The following CA12 variants were observed in gnomAD, a reference collection of about 807,000 sequenced individuals.
CA12 encodes the protein carbonate dehydratase XII.
Under a neutral mutation model 46.8 loss-of-function variants are expected in CA12, and 36 were observed. That is an observed-to-expected ratio of 0.77 (90% confidence interval 0.59 to 1.02). CA12 has a LOEUF of 1.02. CA12 is among the 50% of genes least tolerant of loss of function. CA12 has a pLI of 0.00. For missense variants in CA12, 436 were observed against 451.4 expected (o/e 0.97, Z 0.31); for synonymous variants, 202 against 187.0 (o/e 1.08, Z -0.65).
chr15:63,379,724 G>A (rs1210666568), intron 1 of CA12, among the ~76,000 whole-genome samples: 4 of 152,168 alleles, frequency 2.6e-5, no homozygotes, highest in Non-Finnish European at 5.9e-5. Flanking sequence ...CCTGGGCCCT[G>A]CCTGCTTCCT....
Position 63,365,575 on chromosome 15 carries a change from A to C in CA12, c.106+10083T>G, listed in dbSNP as rs118075114. On this transcript the variant is annotated intron_variant, in intron 2 of 10. Coordinates refer to ENST00000178638, the MANE Select transcript of CA12 (RefSeq NM_001218.5). ...TAACGGCTGTCTGGGCACCTATTTG[A>C]ATACTTTGTGAAGCCCAGCAGAGAC... Among the ~76,000 whole-genome samples, 404 of 152,326 alleles carry C rather than the reference A, an allele frequency of 2.7e-3. 4 individuals carry two copies. In the East Asian group the frequency reaches 0.054, roughly 20 times the overall value.
At position 63,329,068 on chromosome 15, in the gene CA12, C is replaced by T. The variant is rs2038904172; in HGVS notation, c.875-938G>A. ...GAAGAAAGGTAGGGATCAAAGCCTG[C>T]TTGGGCAGGCTCCTGTCCATGTCCC... On this transcript the variant is annotated intron_variant, in intron 8 of 10. Transcript: ENST00000178638. The surrounding 1 kb of genome is among the most constrained non-coding windows in gnomAD (Gnocchi z 4.8). Among the ~76,000 whole-genome samples the T allele has an allele frequency of 6.6e-6, 1 of 152,238 alleles. No individual in the cohort carries two copies. The highest frequency in any genetic ancestry group is 6.5e-5 in the Admixed American group (1 of 15,290).
At chr15:63,326,772 T>G (rs1158818248) in intron 10 of CA12, among the ~76,000 whole-genome samples, 1 of 152,216 alleles carries the variant, frequency 6.6e-6, no homozygotes, top group Non-Finnish European at 1.5e-5. Context: ...AGATCAGGTT[T>G]TCCTTCATCT....
At chr15:63,377,479 T>C (rs947498941) in intron 1 of CA12, among the ~76,000 whole-genome samples, 49 of 136,106 alleles carry the variant, frequency 3.6e-4, no homozygotes, top group Non-Finnish European at 6.2e-4. Context: ...GAACTTGGCT[T>C]TTTTTTTAAA....
At chr15:63,349,622 A>G (rs1396439604) in intron 2 of CA12, among the ~76,000 whole-genome samples, 1 of 152,164 alleles carries the variant, frequency 6.6e-6, no homozygotes. Flanking sequence ...GCACCATTTT[A>G]TGGGTGAAAA....
rs1324080181 is a variant in CA12, at chr15:63,328,239, C to T, written c.875-109G>A. 2 of 989,960 alleles carry T rather than the reference C, an allele frequency of 2.0e-6. No individual in the cohort carries two copies. Among genetic ancestry groups the T allele is most frequent in the Non-Finnish European group, 3.2e-6 (2 of 626,324 alleles). The allele number at this position is 989,960 out of a possible 1,614,324, so 61.3% of individuals were successfully genotyped here. A position where few individuals can be genotyped will look rare whatever the true frequency, so the allele number is the denominator to read the frequency against. On this transcript the variant is annotated intron_variant, in intron 8 of 10. Transcript: ENST00000178638. The surrounding 1 kb of genome is among the most constrained non-coding windows in gnomAD (Gnocchi z 5.9). The stretch of plus-strand genomic sequence containing the variant: ...ATTTGTTTGGTCTTAGGCTGACAGA[C>T]CTCTAGGGATGTCCACCCTTGGCTC...
intron 8 of CA12, 145 bp downstream of exon 8, chr15:63,338,674 C>T (rs2039034297): frequency 9.3e-7 from 1 of 1,079,744 alleles, no homozygotes; most frequent in Non-Finnish European, 1.4e-6. Flanking sequence ...CACCTAGTCT[C>T]ACAAGGCGCC....
chr15:63,369,720 C>T (rs2039478853), intron 2 of CA12, among the ~76,000 whole-genome samples: 1 of 152,182 alleles, frequency 6.6e-6, no homozygotes. Flanking sequence ...TCATTACTTT[C>T]CTAAGGCGCA....
At position 63,328,264 on chromosome 15, in the gene CA12, C is replaced by T; in HGVS notation, c.875-134G>A. 1 of 783,242 alleles carries T rather than the reference C, an allele frequency of 1.3e-6. No individual in the cohort carries two copies. Among genetic ancestry groups the T allele is most frequent in the Non-Finnish European group, 2.2e-6 (1 of 448,380 alleles). 48.5% of individuals were successfully genotyped at this position (783,242 alleles called of 1,614,324 possible). Reference sequence around the variant, plus strand: ...CCTCTAGGGATGTCCACCCTTGGCTCAGGGATTGCCTGATGAAGTACAGGA... The same window carrying T: ...CCTCTAGGGATGTCCACCCTTGGCTTAGGGATTGCCTGATGAAGTACAGGA... On this transcript the variant is annotated intron_variant, in intron 8 of 10. Transcript: ENST00000178638. The surrounding 1 kb of genome is among the most constrained non-coding windows in gnomAD (Gnocchi z 5.9).
intron 2 of CA12, among the ~76,000 whole-genome samples, chr15:63,359,772 C>T (rs1201382905): frequency 6.6e-6 from 1 of 152,166 alleles, no homozygotes; most frequent in African/African-American, 2.4e-5. Context: ...TTGTTTTAAA[C>T]TTGACCGCCA....
chr15:63,370,334 G>C (rs2039486567), intron 2 of CA12, among the ~76,000 whole-genome samples: 1 of 151,680 alleles, frequency 6.6e-6, no homozygotes, highest in Non-Finnish European at 1.5e-5. Context: ...ATACGTCCTA[G>C]CTACTTGGGA....
At position 63,324,301 on chromosome 15, in the gene CA12, T is replaced by C. The variant is rs958342374; in HGVS notation, c.*1984A>G. 9 of 152,296 alleles carry C rather than the reference T, an allele frequency of 5.9e-5. No homozygotes were observed. The highest frequency in any genetic ancestry group is 7.3e-5 in the Non-Finnish European group (5 of 68,094). The allele number at this position is 152,296 out of a possible 1,614,324, so 9.4% of individuals were successfully genotyped here. A position where few individuals can be genotyped will look rare whatever the true frequency, so the allele number is the denominator to read the frequency against. ...TGAACAGCCCTTGTGCCAGGTACAA[T>C]GGTCTCTCTGTTCTCTCACAAAACT... On this transcript the variant is annotated 3_prime_UTR_variant, in exon 11 of 11. Transcript: ENST00000178638.
intron 2 of CA12, among the ~76,000 whole-genome samples, chr15:63,362,880 CGTGAA>C (rs2039382181): frequency 6.6e-6 from 1 of 152,174 alleles, no homozygotes; most frequent in Non-Finnish European, 1.5e-5. Flanking sequence ...TCTAGAGATG[CGTGAA>C]GTATAGTGGG....
In CA12 at chr15:63,327,646, C is replaced by T. The variant is rs147230494; in HGVS notation, c.908-413G>A. Among the ~76,000 whole-genome samples, 1 of 152,196 alleles carries T rather than the reference C, an allele frequency of 6.6e-6. No homozygotes were observed. The highest frequency in any genetic ancestry group is 1.9e-4 in the East Asian group (1 of 5,174). On this transcript the variant is annotated intron_variant, in intron 9 of 10. Coordinates refer to ENST00000178638, the MANE Select transcript of CA12 (RefSeq NM_001218.5). The surrounding 1 kb of genome is among the most constrained non-coding windows in gnomAD (Gnocchi z 4.5). ...CCACACTTTGATAAGCCCTGGGCTACACAAATAAGAACTTACTCTGTCTTT... is the reference window on the plus strand; with the variant it reads ...CCACACTTTGATAAGCCCTGGGCTATACAAATAAGAACTTACTCTGTCTTT...
intron 2 of CA12, among the ~76,000 whole-genome samples, chr15:63,371,032 T>A (rs2152626438): frequency 6.6e-6 from 1 of 152,294 alleles, no homozygotes; most frequent in East Asian, 1.9e-4. Context: ...GCAATTCAGG[T>A]GTGAGGTCAC....
intron 2 of CA12, among the ~76,000 whole-genome samples, chr15:63,367,492 C>G (rs1207961342): frequency 1.3e-5 from 2 of 152,198 alleles, no homozygotes. Context: ...CCAGCATGAC[C>G]TTACATAAGG....
intron 2 of CA12, among the ~76,000 whole-genome samples, chr15:63,354,929 C>T (rs899387132): frequency 1.3e-5 from 2 of 152,124 alleles, no homozygotes; most frequent in African/African-American, 4.8e-5. Context: ...AAAAAGGCTC[C>T]GCAGTCATTT....
chr15:63,339,955 C>T lies in CA12; in HGVS notation c.747+333G>A, dbSNP rs988011194. Reference sequence around the variant, plus strand: ...CATCTCTTAAATGATTTCATCTGATCCTGTCTTTATTCTGCCCTGTAAAGG... The same window carrying T: ...CATCTCTTAAATGATTTCATCTGATTCTGTCTTTATTCTGCCCTGTAAAGG... On this transcript the variant is annotated intron_variant, in intron 7 of 10. Coordinates refer to ENST00000178638, the MANE Select transcript of CA12 (RefSeq NM_001218.5). The surrounding 1 kb of genome is among the most constrained non-coding windows in gnomAD (Gnocchi z 4.3). 1 of 374,076 alleles carries T rather than the reference C, an allele frequency of 2.7e-6. No individual in the cohort carries two copies. The highest frequency in any genetic ancestry group is 2.1e-5 in the African/African-American group (1 of 47,716). 23.2% of individuals were successfully genotyped at this position (374,076 alleles called of 1,614,324 possible).
intron 2 of CA12, among the ~76,000 whole-genome samples, chr15:63,362,183 G>A (rs761005948): frequency 2.0e-5 from 3 of 152,200 alleles, no homozygotes; most frequent in Non-Finnish European, 4.4e-5. Flanking sequence ...TATAAAACAG[G>A]TGTTGGGCTG....
Sources: gnomAD v4.1 joint callset for allele counts (sites outside exome capture counted in the v4.1 genomes callset) on GRCh38, gnomAD v4.1.1 for gene constraint, Gnocchi (gnomAD v3.1) non-coding constraint, MANE v1.5 for transcripts, NCBI Gene and HGNC (gene_info 2026-07-23, HGNC 2026-07-21) for gene names.